Variants in MTCL1 observed in about 807,000 individuals in gnomAD.
MTCL1 encodes the protein microtubule crosslinking factor 1, also known as microtubule cross-linking factor 1.
Under a neutral mutation model 141.4 loss-of-function variants are expected in MTCL1, and 79 were observed. That is an observed-to-expected ratio of 0.56 (90% CI 0.47 to 0.67). The LOEUF is 0.67. MTCL1 is among the 30% of genes least tolerant of loss of function. The pLI is 0.00. For synonymous variants in MTCL1, 914 were observed against 875.8 expected (o/e 1.04, Z -0.77); for missense variants, 2,177 against 2,113.9 (o/e 1.03, Z -0.59).
At chr18:8,780,866 C>G (rs1216294399) in intron 5 of MTCL1, among the ~76,000 whole-genome samples, 1 of 152,034 alleles carries the variant, frequency 6.6e-6, no homozygotes, top group Non-Finnish European at 1.5e-5. Flanking sequence ...TAAATATTTC[C>G]TGAAAGAATG....
At chr18:8,799,954 T>C (rs1017599056) in intron 10 of MTCL1, among the ~76,000 whole-genome samples, 1 of 152,226 alleles carries the variant, frequency 6.6e-6, no homozygotes, top group Admixed American at 6.5e-5. Context: ...CCCGTGAGCT[T>C]CCACTGCGGG....
At chr18:8,712,137 A>G (rs1362305497) in intron 1 of MTCL1, among the ~76,000 whole-genome samples, 1 of 151,994 alleles carries the variant, frequency 6.6e-6, no homozygotes, top group Non-Finnish European at 1.5e-5. Context: ...GTGGGTGAGG[A>G]TTGGGGTGGG....
intron 4 of MTCL1, among the ~76,000 whole-genome samples, chr18:8,772,702 ATT>A (rs569451779): frequency 4.5e-4 from 68 of 151,804 alleles, no homozygotes; most frequent in Non-Finnish European, 7.2e-4. Flanking sequence ...ATATAAATAT[ATT>A]TTAAGCATTT....
chr18:8,819,087 G>A, exon 13 of MTCL1: 2 of 1,614,246 alleles, frequency 1.2e-6, no homozygotes, highest in Non-Finnish European at 1.7e-6. Flanking sequence ...ATGTGGCCTT[G>A]TGCAGATGCT....
chr18:8,777,790 G>A lies in MTCL1; in HGVS notation c.358-43G>A, dbSNP rs368486615. 6.7e-5 allele frequency: 106 copies of A among 1,588,470 alleles called. 1 individual carries two copies. The highest frequency in any genetic ancestry group is 1.0e-4 in the South Asian group (9 of 90,422). On this transcript the variant is annotated intron_variant, in intron 4 of 16. Transcript: ENST00000359865. Reference sequence around the variant, plus strand: ...GATGTTTGCTAATGCTGGCTATCACGTGTGAGCCCTTGGTCACAGAATGTC... The same window carrying A: ...GATGTTTGCTAATGCTGGCTATCACATGTGAGCCCTTGGTCACAGAATGTC...
intron 7 of MTCL1, 85 bp downstream of exon 6, chr18:8,786,176 C>A: frequency 7.0e-7 from 1 of 1,426,036 alleles, no homozygotes; most frequent in Non-Finnish European, 9.6e-7. Context: ...CTGTCCCGGA[C>A]GAGGCCCTGA....
intron 1 of MTCL1, among the ~76,000 whole-genome samples, chr18:8,710,837 CTTTTTTT>C (rs59041416): frequency 1.6e-3 from 127 of 80,934 alleles, no homozygotes; most frequent in African/African-American, 5.6e-3. Flanking sequence ...GGAAGGCTTT[CTTTTTTT>C]TTTTTTTTTT....
In MTCL1 at chr18:8,809,035, C is replaced by CA. The variant is rs57075403; in HGVS notation, c.2604+1987dup. On this transcript the variant is annotated intron_variant, in intron 11 of 16. Transcript: ENST00000359865. ...AAAAGGAGAGAAAGGAAGTTTCAGG[C>CA]AAAAAAAAAAAAGTATCATGAAGAA... 4.6e-3 allele frequency among the ~76,000 whole-genome samples: 604 copies of CA among 132,252 alleles called. 6 individuals are homozygous for CA. Among genetic ancestry groups the CA allele is most frequent in the East Asian group, 0.016 (74 of 4,540 alleles). 86.8% of individuals were successfully genotyped at this position (132,252 alleles called of 152,430 possible).
exon 17 of MTCL1, chr18:8,832,265 T>G (rs1206444543): frequency 2.3e-5 from 4 of 175,524 alleles, no homozygotes; most frequent in Admixed American, 2.3e-4. Flanking sequence ...TGTTACTGTT[T>G]TTTACGAATT....
chr18:8,801,008 A>C (rs1458593632), intron 10 of MTCL1, among the ~76,000 whole-genome samples: 1 of 151,932 alleles, frequency 6.6e-6, no homozygotes, highest in Non-Finnish European at 1.5e-5. Context: ...GCTACAGGCC[A>C]CTGAAGAGCC....
intron 5 of MTCL1, among the ~76,000 whole-genome samples, chr18:8,781,909 C>T (rs1246315420): frequency 1.3e-5 from 2 of 152,308 alleles, no homozygotes; most frequent in Admixed American, 6.5e-5. Context: ...GCACAGATAG[C>T]GCCAGGGCAA....
At chr18:8,754,866 A>C (rs528794410) in intron 4 of MTCL1, among the ~76,000 whole-genome samples, 11 of 152,278 alleles carry the variant, frequency 7.2e-5, no homozygotes, top group Non-Finnish European at 1.3e-4. Flanking sequence ...GATGGGAAGA[A>C]CATAGCTTGC....
In MTCL1 at chr18:8,830,081, T is replaced by G. The variant is rs1385052075; in HGVS notation, c.*18+1117T>G. 1.4e-4 allele frequency: 136 copies of G among 985,106 alleles called. No homozygotes were observed. Among genetic ancestry groups the G allele is most frequent in the Non-Finnish European group, 1.6e-4 (133 of 829,990 alleles). The allele number at this position is 985,106 out of a possible 1,614,324, so 61.0% of individuals were successfully genotyped here. On this transcript the variant is annotated intron_variant, in intron 16 of 16. Transcript: ENST00000359865. The surrounding 1 kb of genome is among the most constrained non-coding windows in gnomAD (Gnocchi z 6.4). ...CACAATACACAACACACACACTACTTCTATAACAAGGGGAGCGCAGACACA... is the reference window on the plus strand; with the variant it reads ...CACAATACACAACACACACACTACTGCTATAACAAGGGGAGCGCAGACACA...
In MTCL1 at chr18:8,800,380, A is replaced by G. The variant is rs1024379354; in HGVS notation, c.2436+2089A>G. 12 of 152,344 alleles carry G rather than the reference A, an allele frequency of 7.9e-5. No individual in the cohort carries two copies. The South Asian group carries it at 2.1e-3, about 26-fold the overall frequency. The allele number at this position is 152,344 out of a possible 1,614,324, so 9.4% of individuals were successfully genotyped here. A position where few individuals can be genotyped will look rare whatever the true frequency, so the allele number is the denominator to read the frequency against. On this transcript the variant is annotated intron_variant, in intron 10 of 16. Coordinates refer to ENST00000359865, the Ensembl canonical transcript of MTCL1. Reference sequence around the variant, plus strand: ...GGCCTTGGTCTTTGCTTTGTGACATATGGAACGTTCTCACAATTGAACTCA... The same window carrying G: ...GGCCTTGGTCTTTGCTTTGTGACATGTGGAACGTTCTCACAATTGAACTCA...
chr18:8,799,182 C>T lies in MTCL1; in HGVS notation c.2436+891C>T, dbSNP rs556124796. Among the ~76,000 whole-genome samples the T allele has an allele frequency of 6.6e-5, 10 of 152,312 alleles. No individual in the cohort carries two copies. The East Asian group carries it at 7.7e-4, about 12-fold the overall frequency. ...TCTGGGGCACTCCCTCTGCACTGGACGCCACAACTGCTGCTCCTCCCTGGC... is the reference window on the plus strand; with the variant it reads ...TCTGGGGCACTCCCTCTGCACTGGATGCCACAACTGCTGCTCCTCCCTGGC... On this transcript the variant is annotated intron_variant, in intron 10 of 16. Coordinates refer to ENST00000359865, the Ensembl canonical transcript of MTCL1.
At chr18:8,792,906 C>T in intron 7 of MTCL1, 92 bp from the exon 7 acceptor site, 2 of 1,527,120 alleles carry the variant, frequency 1.3e-6, no homozygotes, top group Non-Finnish European at 8.9e-7. Flanking sequence ...GCTCCGTGTG[C>T]GTCCCCAGCT....
chr18:8,755,631 A>G (rs2096393506), intron 4 of MTCL1, among the ~76,000 whole-genome samples: 1 of 152,158 alleles, frequency 6.6e-6, no homozygotes, highest in African/African-American at 2.4e-5. Context: ...AACCTGACCT[A>G]TTTTGTGGCA....
chr18:8,826,151 G>T, exon 15 of MTCL1: 1 of 1,613,326 alleles, frequency 6.2e-7, no homozygotes, highest in South Asian at 1.1e-5. Context: ...AGGAGGAGAG[G>T]AGGCAGGCTG....
Position 8,828,909 on chromosome 18 carries a change from A to G in MTCL1, c.4724A>G (p.Asn1575Ser). The stretch of plus-strand genomic sequence containing the variant: ...TCTTTCTCTGTCTGTTCTGTCCAGA[A>G]CCAAACTGTCTTGCTAACTGCCCCC... Residue 1575 changes from asparagine (N) to serine (S), a missense_variant and splice_region_variant, in exon 16 of 17, where the codon AAC becomes AGC. Physicochemically the swap from Asn to Ser is conservative, Grantham distance 46. Transcript: ENST00000359865. This position sits in a 1 kb window ranked among gnomAD's most constrained non-coding sequence, Gnocchi z 5.2. The G allele has an allele frequency of 6.2e-7, 1 of 1,614,176 alleles. No homozygotes were observed.
Sources: allele counts gnomAD v4.1 joint callset (sites outside exome capture counted in the v4.1 genomes callset), GRCh38; gene constraint gnomAD v4.1.1; non-coding constraint Gnocchi (gnomAD v3.1); transcripts MANE v1.5; gene names NCBI Gene and HGNC (gene_info 2026-07-23, HGNC 2026-07-21).